Variants in CSMD1 observed in about 807,000 individuals in gnomAD.
The protein encoded by CSMD1 is CUB and sushi domain-containing protein 1.
A neutral mutation model predicts 417.5 loss-of-function variants in CSMD1; 213 were observed. The ratio of observed to expected loss-of-function variants is 0.51; its 90% confidence interval spans 0.46 to 0.57. CSMD1 has a LOEUF of 0.57. CSMD1 is among the 20% of genes least tolerant of loss of function. CSMD1 has a pLI of 0.00. For missense variants in CSMD1, 6,923 were observed against 4,529.7 expected (o/e 1.53, Z -15.17); for synonymous variants, 2,862 against 1,736.8 (o/e 1.65, Z -16.11).
intron 1 of CSMD1, among the ~76,000 whole-genome samples, chr8:4,768,327 A>T (rs1430795389): frequency 1.3e-5 from 2 of 152,184 alleles, no homozygotes; most frequent in South Asian, 4.2e-4. Flanking sequence ...CTATGATCGT[A>T]ACATGAGCCG....
At chr8:4,431,187 C>G (rs947616526) in intron 2 of CSMD1, among the ~76,000 whole-genome samples, 3 of 151,950 alleles carry the variant, frequency 2.0e-5, no homozygotes, top group Non-Finnish European at 4.4e-5. Flanking sequence ...GTAGTGACCC[C>G]TAGAGTTTAT....
intron 5 of CSMD1, among the ~76,000 whole-genome samples, chr8:3,857,232 A>T (rs1020256416): frequency 6.6e-6 from 1 of 152,186 alleles, no homozygotes; most frequent in Non-Finnish European, 1.5e-5. Flanking sequence ...GATACAACCT[A>T]GGTGGTAGAG....
chr8:3,113,995 A>G (rs1320864239), intron 42 of CSMD1, among the ~76,000 whole-genome samples: 1 of 152,156 alleles, frequency 6.6e-6, no homozygotes, highest in African/African-American at 2.4e-5. Context: ...AGGGAGGAGG[A>G]TCATTTGACC....
At chr8:3,351,818 TTTAA>T (rs1430388617) in intron 21 of CSMD1, among the ~76,000 whole-genome samples, 2 of 150,572 alleles carry the variant, frequency 1.3e-5, no homozygotes, top group African/African-American at 4.9e-5. Context: ...GTACTCACTA[TTTAA>T]TTTATATTTT....
intron 2 of CSMD1, among the ~76,000 whole-genome samples, chr8:4,497,542 C>G (rs923202997): frequency 6.6e-6 from 1 of 152,294 alleles, no homozygotes; most frequent in African/African-American, 2.4e-5. Context: ...AGTAGCTCCA[C>G]TGAGGAGCAG....
At chr8:3,040,001 G>C (rs142619770) in intron 50 of CSMD1, among the ~76,000 whole-genome samples, 2 of 152,284 alleles carry the variant, frequency 1.3e-5, no homozygotes, top group African/African-American at 4.8e-5. Flanking sequence ...TGAGAATCCA[G>C]AAAGTGACTC....
intron 1 of CSMD1, among the ~76,000 whole-genome samples, chr8:4,886,001 AC>A (rs1554510741): frequency 1.9e-5 from 1 of 52,114 alleles, no homozygotes; most frequent in South Asian, 9.2e-4. Context: ...TTATTTATTT[AC>A]TTATTTGAGA....
chr8:4,249,693 G>A (rs1042795249), intron 3 of CSMD1, among the ~76,000 whole-genome samples: 11 of 152,262 alleles, frequency 7.2e-5, no homozygotes, highest in Non-Finnish European at 1.3e-4. Context: ...CTGTTGTAGC[G>A]AAATAAAGCT....
chr8:4,070,382 G>T (rs748161771), intron 3 of CSMD1, among the ~76,000 whole-genome samples: 1 of 152,206 alleles, frequency 6.6e-6, no homozygotes, highest in East Asian at 1.9e-4. Context: ...TTTTGAGACA[G>T]AGTCTCGCTG....
At chr8:3,729,356 G>A (rs957710553) in intron 6 of CSMD1, among the ~76,000 whole-genome samples, 3 of 152,134 alleles carry the variant, frequency 2.0e-5, no homozygotes, top group South Asian at 2.1e-4. Flanking sequence ...GTCTAGCTCT[G>A]CCACCACTCA....
intron 5 of CSMD1, among the ~76,000 whole-genome samples, chr8:3,986,260 G>A (rs902965607): frequency 2.0e-5 from 3 of 152,096 alleles, no homozygotes; most frequent in Non-Finnish European, 4.4e-5. Flanking sequence ...TCGCCTGGCT[G>A]AGGGCATCAA....
rs565761043 is a variant in CSMD1, at chr8:4,004,813, T to C, written c.611-6703A>G. 6.3e-4 allele frequency among the ~76,000 whole-genome samples: 96 copies of C among 152,196 alleles called. No individual in the cohort carries two copies. In the South Asian group the frequency reaches 9.3e-3, roughly 15 times the overall value. ...AGGCTGGAGTGCAGTGGCGCGATCTTGGCTCACTGTAAGCTCCGCCTCCCG... is the reference window on the plus strand; with the variant it reads ...AGGCTGGAGTGCAGTGGCGCGATCTCGGCTCACTGTAAGCTCCGCCTCCCG... On this transcript the variant is annotated intron_variant, in intron 4 of 69. Transcript: ENST00000635120.
chr8:4,586,280 C>G (rs1053184429), intron 2 of CSMD1, among the ~76,000 whole-genome samples: 3 of 152,138 alleles, frequency 2.0e-5, no homozygotes, highest in Non-Finnish European at 4.4e-5. Flanking sequence ...ATTTTAGTAC[C>G]CATCAGCCAT....
intron 3 of CSMD1, among the ~76,000 whole-genome samples, chr8:4,125,037 G>A (rs1714792): frequency 9.2e-5 from 14 of 151,972 alleles, no homozygotes; most frequent in African/African-American, 3.4e-4. Flanking sequence ...GGGTCCGCAC[G>A]TTTCTCTAAT....
intron 52 of CSMD1, among the ~76,000 whole-genome samples, chr8:3,008,079 C>G (rs1808090090): frequency 6.6e-6 from 1 of 152,254 alleles, no homozygotes; most frequent in East Asian, 1.9e-4. Context: ...AGCTACCAAA[C>G]ATTTGAACAA....
Position 2,937,882 on chromosome 8 carries a change from A to G in CSMD1, c.*703T>C, listed in dbSNP as rs1482906978. ...GGATAGTGTGTATAAACCCTGTGTA[A>G]ATAATTTATTTTTTTTATCAGAATC... On this transcript the variant is annotated 3_prime_UTR_variant, in exon 70 of 70. Coordinates refer to ENST00000635120, the MANE Select transcript of CSMD1 (RefSeq NM_033225.6). 2.2e-5 allele frequency: 3 copies of G among 137,690 alleles called. No individual in the cohort carries two copies. The highest frequency in any genetic ancestry group is 4.9e-5 in the Non-Finnish European group (3 of 61,712). 8.5% of individuals were successfully genotyped at this position (137,690 alleles called of 1,614,324 possible).
At chr8:4,066,728 G>A (rs919177426) in intron 3 of CSMD1, among the ~76,000 whole-genome samples, 4 of 152,130 alleles carry the variant, frequency 2.6e-5, no homozygotes, top group South Asian at 2.1e-4. Context: ...TGGGACGAGA[G>A]TGAAGACTGA....
intron 1 of CSMD1, among the ~76,000 whole-genome samples, chr8:4,830,560 T>C (rs1038244330): frequency 6.6e-6 from 1 of 152,178 alleles, no homozygotes; most frequent in Admixed American, 6.5e-5. Flanking sequence ...AGAGGAGACA[T>C]CATAAGCCAT....
chr8:3,374,258 C>A (rs763565818), intron 18 of CSMD1, among the ~76,000 whole-genome samples: 1 of 152,142 alleles, frequency 6.6e-6, no homozygotes. Context: ...CATGTCCGAC[C>A]CATCCACCCG....
Sources: gnomAD v4.1 joint callset for allele counts (sites outside exome capture counted in the v4.1 genomes callset) on GRCh38, gnomAD v4.1.1 for gene constraint, MANE v1.5 for transcripts, NCBI Gene and HGNC (gene_info 2026-07-23, HGNC 2026-07-21) for gene names.